RNF2: variants seen among roughly 807,000 people sequenced by gnomAD.
RNF2 encodes the protein E3 ubiquitin-protein ligase RING2.
RNF2 carries 6 observed loss-of-function variants against 37.2 expected under a neutral mutation model. That is an observed-to-expected ratio of 0.16 (90% confidence interval 0.09 to 0.32). The LOEUF (loss-of-function observed/expected upper bound fraction) is 0.32. Ranked by LOEUF, RNF2 falls within the 10% of genes least tolerant of loss-of-function variation. RNF2 has a pLI of 1.00. For synonymous variants in RNF2, 133 were observed against 132.7 expected, an observed-to-expected ratio of 1.00 and a Z score of -0.02; for missense variants, 251 against 404.0, an observed-to-expected ratio of 0.62 and a Z score of 3.25.
Position 185,093,175 on chromosome 1 carries a change from A to C in RNF2, c.363A>C (p.Glu121Asp). Residue 121 changes from glutamate (E) to aspartate (D), a missense_variant, in exon 4 of 7, where the codon GAA becomes GAC. By Grantham distance (45) the Glu-to-Asp change is conservative. Coordinates refer to ENST00000367510, the MANE Select transcript of RNF2 (RefSeq NM_007212.4). ...TTTATCCAAGTCGTGATGAGTATGA[A>C]GCTCATCAAGAGAGAGTATTAGCCA... is the stretch of plus-strand genomic sequence containing the variant. ...SKIYPSRDEY[E>D]AHQERVLARI... is the part of the protein sequence containing the mutation. 6.2e-7 allele frequency: 1 copy of C among 1,614,082 alleles called. No individual in the cohort carries two copies.
rs1442840086 is a variant in RNF2, at chr1:185,055,803, T to C, written c.-3+10154T>C. On this transcript the variant is annotated intron_variant, in intron 1 of 6. Coordinates refer to ENST00000367510, the MANE Select transcript of RNF2 (RefSeq NM_007212.4). ...ATATACTTGGTAAGATTGGAAGTTA[T>C]ATCTGTTGTTTAGTTTTATGAACCT... Among the ~76,000 whole-genome samples, 4 of 152,226 alleles carry C rather than the reference T, an allele frequency of 2.6e-5. No individual in the cohort carries two copies. In the South Asian group the frequency reaches 8.3e-4, roughly 31 times the overall value.
chr1:185,057,362 AGTTT>A (rs1251101887), intron 1 of RNF2, among the ~76,000 whole-genome samples: 6 of 152,200 alleles, frequency 3.9e-5, no homozygotes, highest in Non-Finnish European at 2.9e-5. Context: ...TGCCATAGCT[AGTTT>A]GTTAACATTT....
intron 6 of RNF2, 108 bp downstream of exon 6, chr1:185,100,070 G>C: frequency 2.4e-6 from 3 of 1,243,196 alleles, no homozygotes; most frequent in Non-Finnish European, 3.4e-6. Flanking sequence ...AACCGTAACA[G>C]TGTTAAGTGA....
chr1:185,100,316 A>G lies in RNF2; in HGVS notation c.*15A>G, dbSNP rs376053019. Reference sequence around the variant, plus strand: ...AGCACAAATGAGCCTTTAAAAACCAATTCTGAGACTGAACTTTTTTATAGC... The same window carrying G: ...AGCACAAATGAGCCTTTAAAAACCAGTTCTGAGACTGAACTTTTTTATAGC... On this transcript the variant is annotated 3_prime_UTR_variant, in exon 7 of 7. Coordinates refer to ENST00000367510, the MANE Select transcript of RNF2 (RefSeq NM_007212.4). 1.5e-5 allele frequency: 24 copies of G among 1,561,916 alleles called. No homozygotes were observed. In the African/African-American group the frequency reaches 2.6e-4, roughly 17 times the overall value.
chr1:185,098,702 A>G (rs1036893251), intron 5 of RNF2, among the ~76,000 whole-genome samples: 2 of 152,110 alleles, frequency 1.3e-5, no homozygotes, highest in African/African-American at 4.8e-5. Flanking sequence ...AGCATCAAAT[A>G]TTTATTGAAT....
intron 1 of RNF2, among the ~76,000 whole-genome samples, chr1:185,048,877 G>C (rs1354160337): frequency 2.6e-5 from 4 of 152,156 alleles, no homozygotes; most frequent in Non-Finnish European, 5.9e-5. Context: ...GTTTCTTTGA[G>C]CACTGCGTGA....
chr1:185,060,669 A>G (rs181986833), intron 1 of RNF2, among the ~76,000 whole-genome samples: 52 of 152,340 alleles, frequency 3.4e-4, no homozygotes, highest in Non-Finnish European at 5.9e-4. Context: ...CTAGATTTAA[A>G]TAAATTGGAT....
intron 1 of RNF2, among the ~76,000 whole-genome samples, chr1:185,049,583 A>G (rs1427981873): frequency 6.6e-6 from 1 of 150,608 alleles, no homozygotes; most frequent in Non-Finnish European, 1.5e-5. Context: ...TTGTTTTACA[A>G]TGTGCTAGGG....
chr1:185,051,914 A>G (rs1296188559), intron 1 of RNF2, among the ~76,000 whole-genome samples: 1 of 148,422 alleles, frequency 6.7e-6, no homozygotes, highest in Non-Finnish European at 1.5e-5. Context: ...TTGTATTTAT[A>G]CATATATTTA....
At chr1:185,056,163 TGAA>T (rs760739378) in intron 1 of RNF2, among the ~76,000 whole-genome samples, 2 of 152,162 alleles carry the variant, frequency 1.3e-5, no homozygotes, top group Non-Finnish European at 2.9e-5. Flanking sequence ...CTCCATTACT[TGAA>T]GAGTTCTCCA....
In RNF2 at chr1:185,098,107, G is replaced by A; in HGVS notation, c.500G>A (p.Gly167Asp). 2 of 1,614,200 alleles carry A rather than the reference G, an allele frequency of 1.2e-6. No homozygotes were observed. Among genetic ancestry groups the A allele is most frequent in the Non-Finnish European group, 1.7e-6 (2 of 1,180,040 alleles). Residue 167 changes from glycine (G) to aspartate (D), a missense_variant, in exon 5 of 7, where the codon GGT becomes GAT. By Grantham distance (94) the Gly-to-Asp change is moderately conservative. Transcript: ENST00000367510. The part of the protein sequence containing the change: ...QRGKKQQIEN[G>D]SGAEDNGDSS... The stretch of plus-strand genomic sequence containing the variant: ...GGCAAGAAACAACAGATTGAAAATG[G>A]TAGTGGAGCAGAAGATAATGGTGAC...
At chr1:185,097,240 C>T (rs1163832607) in intron 4 of RNF2, among the ~76,000 whole-genome samples, 1 of 152,136 alleles carries the variant, frequency 6.6e-6, no homozygotes, top group African/African-American at 2.4e-5. Context: ...AGTATCTGAG[C>T]TTGTTAGAGA....
At chr1:185,076,268 GT>G (rs71101959) in intron 1 of RNF2, among the ~76,000 whole-genome samples, 60 of 27,344 alleles carry the variant, frequency 2.2e-3, no homozygotes, top group African/African-American at 7.5e-3. Context: ...TTTATGGGTT[GT>G]TTTTTTTTTT....
At chr1:185,089,934 T>C (rs1201529863) in intron 2 of RNF2, among the ~76,000 whole-genome samples, 2 of 151,966 alleles carry the variant, frequency 1.3e-5, no homozygotes, top group African/African-American at 4.8e-5. Flanking sequence ...GGGAGGCTTT[T>C]TTTTTGAGAC....
chr1:185,098,478 A>C, intron 5 of RNF2, 134 bp downstream of exon 5: 1 of 1,049,434 alleles, frequency 9.5e-7, no homozygotes, highest in South Asian at 1.6e-5. Flanking sequence ...CTAGCTGCCT[A>C]GATTGTTGTT....
chr1:185,088,285 G>T (rs1056310707), intron 2 of RNF2, among the ~76,000 whole-genome samples: 1 of 152,130 alleles, frequency 6.6e-6, no homozygotes, highest in African/African-American at 2.4e-5. Context: ...CAGTGAAGGA[G>T]ACTGAGAAGA....
intron 1 of RNF2, among the ~76,000 whole-genome samples, chr1:185,058,955 C>T (rs1371898734): frequency 6.6e-6 from 1 of 152,112 alleles, no homozygotes; most frequent in African/African-American, 2.4e-5. Context: ...TTTTGTGAAC[C>T]TAAATATTGT....
intron 1 of RNF2, among the ~76,000 whole-genome samples, chr1:185,082,299 G>GGTCACTATGCTCCGC (rs1651439647): frequency 6.7e-6 from 1 of 148,508 alleles, no homozygotes. Flanking sequence ...TCCGCTGGCT[G>GGTCACTATGCTCCGC]GTCACTATGC....
chr1:185,057,730 A>C (rs1469225323), intron 1 of RNF2, among the ~76,000 whole-genome samples: 5 of 152,004 alleles, frequency 3.3e-5, no homozygotes, highest in Non-Finnish European at 5.9e-5. Context: ...ATCCACAAAT[A>C]CAGTCATCCG....
Sources: gnomAD v4.1 joint callset for allele counts (sites outside exome capture counted in the v4.1 genomes callset) on GRCh38, gnomAD v4.1.1 for gene constraint, MANE v1.5 for transcripts, NCBI Gene and HGNC (gene_info 2026-07-23, HGNC 2026-07-21) for gene names.